Variants in PKHD1 observed in about 807,000 individuals in gnomAD.
PKHD1 encodes the protein PKHD1 ciliary IPT domain containing fibrocystin/polyductin.
In PKHD1, 291 loss-of-function variants were observed where a neutral mutation model predicts 412.0. That is an observed-to-expected ratio of 0.71 (90% confidence interval 0.64 to 0.78). The LOEUF (loss-of-function observed/expected upper bound fraction) is 0.78. Among genes scored for constraint, PKHD1 ranks in the 30% least tolerant of loss-of-function variants. The pLI, the probability that PKHD1 is intolerant of heterozygous loss-of-function variation, is 0.00. For synonymous variants in PKHD1, 1,777 were observed against 1,821.5 expected, an observed-to-expected ratio of 0.98 and a Z score of 0.62; for missense variants, 4,825 against 4,950.7, an observed-to-expected ratio of 0.97 and a Z score of 0.76.
Position 52,058,366 on chromosome 6 carries a change from T to C in PKHD1, c.1469A>G (p.Lys490Arg). The change falls in exon 16 of 67, where the codon AAG becomes AGG. Residue 490 changes from lysine (K) to arginine (R), a missense_variant. By Grantham distance (26) the Lys-to-Arg change is conservative. Coordinates refer to ENST00000371117, the MANE Select transcript of PKHD1 (RefSeq NM_138694.4). ...PDVVTTYLRE[K>R]HQIRVRAQRL... is the part of the protein sequence containing the mutation. ...CTGGGCTCGGACTCGGATCTGGTGC[T>C]TCTCCCGTAGGTAAGTGGTGACCAC... 1.2e-6 allele frequency: 2 copies of C among 1,614,192 alleles called. No individual in the cohort carries two copies. Among genetic ancestry groups the C allele is most frequent in the Non-Finnish European group, 1.7e-6 (2 of 1,180,026 alleles).
Position 51,798,792 on chromosome 6 carries a change from T to C in PKHD1, c.8303-7419A>G, listed in dbSNP as rs191636273. Among the ~76,000 whole-genome samples the C allele has an allele frequency of 4.9e-4, 74 of 152,304 alleles. 1 individual carries two copies. Among genetic ancestry groups the C allele is most frequent in the African/African-American group, 1.3e-3 (56 of 41,566 alleles). On this transcript the variant is annotated intron_variant, in intron 52 of 66. Coordinates refer to ENST00000371117, the MANE Select transcript of PKHD1 (RefSeq NM_138694.4). ...ATTGGTTTATATCTGTTCCAACCTA[T>C]AGCACACTCAACCAATATTCAGCTA...
At chr6:51,953,584 C>A (rs540885626) in intron 36 of PKHD1, among the ~76,000 whole-genome samples, 2 of 150,498 alleles carry the variant, frequency 1.3e-5, no homozygotes, top group Non-Finnish European at 3.0e-5. Flanking sequence ...AGTATACAAT[C>A]CCTGGGATTA....
intron 35 of PKHD1, among the ~76,000 whole-genome samples, chr6:51,966,804 G>A (rs1792875054): frequency 2.0e-5 from 3 of 152,102 alleles, no homozygotes; most frequent in African/African-American, 7.2e-5. Flanking sequence ...GTGCTCTGAA[G>A]TAAAAAAGAA....
intron 65 of PKHD1, among the ~76,000 whole-genome samples, chr6:51,628,064 C>T (rs12212034): frequency 0.32 from 48,548 of 151,842 alleles, 8,170 homozygotes; most frequent in East Asian, 0.44. Flanking sequence ...GGAAATAGAC[C>T]TTTTCTTTTT....
At chr6:51,753,843 G>A (rs529770585) in intron 56 of PKHD1, among the ~76,000 whole-genome samples, 1 of 152,172 alleles carries the variant, frequency 6.6e-6, no homozygotes, top group South Asian at 2.1e-4. Context: ...GCCCTCTCAT[G>A]GTGGATCTTC....
chr6:51,863,791 G>A (rs1457288257), intron 48 of PKHD1, among the ~76,000 whole-genome samples: 2 of 152,180 alleles, frequency 1.3e-5, no homozygotes, highest in Admixed American at 1.3e-4. Flanking sequence ...TCATGAACAT[G>A]TCCTAGGAGA....
chr6:51,786,202 C>T (rs1288103760), intron 53 of PKHD1, among the ~76,000 whole-genome samples: 1 of 152,072 alleles, frequency 6.6e-6, no homozygotes, highest in African/African-American at 2.4e-5. Flanking sequence ...GATCTCCCAA[C>T]CCGAAACCCT....
chr6:51,956,636 A>G (rs1318588402), intron 36 of PKHD1, among the ~76,000 whole-genome samples: 1 of 152,046 alleles, frequency 6.6e-6, no homozygotes, highest in Non-Finnish European at 1.5e-5. Context: ...GATAAGTACT[A>G]TGAAGAAAAG....
chr6:51,647,743 T>C (rs1170928521), intron 63 of PKHD1, among the ~76,000 whole-genome samples: 1 of 152,144 alleles, frequency 6.6e-6, no homozygotes, highest in African/African-American at 2.4e-5. Flanking sequence ...CACCCAAAGA[T>C]GCCAGGCACT....
chr6:51,784,769 A>C (rs1792596979), intron 53 of PKHD1, among the ~76,000 whole-genome samples: 1 of 152,082 alleles, frequency 6.6e-6, no homozygotes, highest in Non-Finnish European at 1.5e-5. Context: ...CTACCACACA[A>C]AGCACATTTC....
chr6:51,762,272 T>C (rs1788139980), intron 55 of PKHD1, among the ~76,000 whole-genome samples: 3 of 152,060 alleles, frequency 2.0e-5, no homozygotes, highest in Admixed American at 2.0e-4. Context: ...AACCTAATCT[T>C]TATCATAAGA....
rs1367510156 is a variant in PKHD1, at chr6:52,025,916, T to C, written c.3894A>G (p.Ala1298=). ...GKGFTFMYEA[A]ATPVVTAMQG... ...GCATGGCAGTGACTACTGGTGTTGC[T>C]GCCGCTTCATACATGAAGGTGAAGC... Residue 1298 remains alanine, a synonymous_variant, in exon 32 of 67, where the codon GCA becomes GCG. Transcript: ENST00000371117. 3 of 1,614,046 alleles carry C rather than the reference T, an allele frequency of 1.9e-6. No homozygotes were observed. Among genetic ancestry groups the C allele is most frequent in the Non-Finnish European group, 2.5e-6 (3 of 1,180,052 alleles).
chr6:51,638,799 C>CAAAA (rs376358912), intron 64 of PKHD1, 50 bp downstream of exon 64: 9,548 of 842,860 alleles, frequency 0.011, 28 homozygotes, highest in East Asian at 0.021. Context: ...ATTATCTTCT[C>CAAAA]AAAAAAAAAA....
At chr6:51,667,483 C>G (rs1341230112) in intron 60 of PKHD1, among the ~76,000 whole-genome samples, 6 of 149,134 alleles carry the variant, frequency 4.0e-5, no homozygotes, top group African/African-American at 1.5e-4. Flanking sequence ...AATTTTCTCC[C>G]ATTTTGTAGG....
chr6:51,647,051 C>T (rs1770174991), intron 63 of PKHD1, among the ~76,000 whole-genome samples: 1 of 152,196 alleles, frequency 6.6e-6, no homozygotes, highest in Admixed American at 6.5e-5. Flanking sequence ...TCTCACTTTT[C>T]CTCTTCCCTT....
intron 55 of PKHD1, among the ~76,000 whole-genome samples, chr6:51,756,043 CAT>C (rs750065645): frequency 1.3e-5 from 2 of 151,918 alleles, no homozygotes; most frequent in Non-Finnish European, 2.9e-5. Context: ...TAAAAGGAAA[CAT>C]AAATTAAACC....
In PKHD1 at chr6:51,615,364, T is replaced by C. The variant is rs1765980312; in HGVS notation, c.*3717A>G. The C allele has an allele frequency of 6.6e-6, 1 of 152,210 alleles. No individual in the cohort carries two copies. The highest frequency in any genetic ancestry group is 1.5e-5 in the Non-Finnish European group (1 of 68,030). 9.4% of individuals were successfully genotyped at this position (152,210 alleles called of 1,614,324 possible). ...CCACATTTAAGTTTACAGAAATGTT[T>C]TATTTCTTTTTGAAAATTACCTTGT... On this transcript the variant is annotated 3_prime_UTR_variant, in exon 67 of 67. Transcript: ENST00000371117.
At chr6:51,741,254 T>C (rs1465149477) in intron 60 of PKHD1, 7 of 514,312 alleles carry the variant, frequency 1.4e-5, no homozygotes, top group African/African-American at 7.7e-5. Flanking sequence ...AGAGTTTCTA[T>C]TTGTAAGGGA....
At chr6:51,791,912 T>C (rs181192718) in intron 52 of PKHD1, among the ~76,000 whole-genome samples, 39 of 152,324 alleles carry the variant, frequency 2.6e-4, no homozygotes, top group South Asian at 6.2e-4. Context: ...TTAACTCATT[T>C]AATTGAGTTA....
Sources: gnomAD v4.1 joint callset for allele counts (sites outside exome capture counted in the v4.1 genomes callset) on GRCh38, gnomAD v4.1.1 for gene constraint, MANE v1.5 for transcripts, NCBI Gene and HGNC (gene_info 2026-07-23, HGNC 2026-07-21) for gene names.